CC2D2A: variants seen among roughly 807,000 people sequenced by gnomAD.
CC2D2A encodes coiled-coil and C2 domain containing 2A.
Under a neutral mutation model 212.9 loss-of-function variants are expected in CC2D2A, and 155 were observed. The ratio of observed to expected loss-of-function variants is 0.73; its 90% CI spans 0.64 to 0.83. CC2D2A has a LOEUF of 0.83. CC2D2A is among the 40% of genes least tolerant of loss of function. The pLI is 0.00. For missense variants in CC2D2A, 1,856 were observed against 1,956.2 expected (o/e 0.95, Z 0.97); for synonymous variants, 667 against 686.5 (o/e 0.97, Z 0.44).
At position 15,541,033 on chromosome 4, in the gene CC2D2A, G is replaced by A; in HGVS notation, c.2181+19G>A. The stretch of plus-strand genomic sequence containing the variant: ...ACTTCAGGTACACATTTTAATTATA[G>A]TTACTGGCCGGGCACTGTGGCTCAT... On this transcript the variant is annotated intron_variant, in intron 17 of 36. Transcript: ENST00000424120. 6.6e-7 allele frequency: 1 copy of A among 1,512,808 alleles called. No homozygotes were observed. The allele number at this position is 1,512,808 out of a possible 1,614,324, so 93.7% of individuals were successfully genotyped here.
intron 11 of CC2D2A, chr4:15,519,485 A>G (rs893816096): frequency 1.3e-5 from 6 of 447,864 alleles, no homozygotes; most frequent in Admixed American, 9.5e-5. Context: ...TTGCTTCCAC[A>G]TTTTTGGGTA....
chr4:15,527,109 A>G (rs1300218984), intron 11 of CC2D2A, among the ~76,000 whole-genome samples: 1 of 152,202 alleles, frequency 6.6e-6, no homozygotes, highest in Non-Finnish European at 1.5e-5. Context: ...AAAGAATTTC[A>G]AGGTCACCAG....
At chr4:15,598,892 A>C (rs1721447434) in intron 35 of CC2D2A, among the ~76,000 whole-genome samples, 1 of 151,998 alleles carries the variant, frequency 6.6e-6, no homozygotes, top group African/African-American at 2.4e-5. Context: ...AAGCGCAGTG[A>C]CTCACACTTG....
Position 15,516,019 on chromosome 4 carries a change from T to A in CC2D2A, c.1017+15T>A. 1 of 1,580,074 alleles carries A rather than the reference T, an allele frequency of 6.3e-7. No individual in the cohort carries two copies. Among genetic ancestry groups the A allele is most frequent in the South Asian group, 1.2e-5 (1 of 84,692 alleles). On this transcript the variant is annotated intron_variant, in intron 10 of 36. Coordinates refer to ENST00000424120, the MANE Select transcript of CC2D2A (RefSeq NM_001378615.1). ...TGCAGGACCCCGTAAGTGTGCACCC[T>A]CTGCTCTCAGGTGTAGCCTGGGCAC...
intron 31 of CC2D2A, 41 bp downstream of exon 31, chr4:15,586,287 C>T (rs775328156): frequency 2.4e-6 from 3 of 1,268,282 alleles, no homozygotes; most frequent in Non-Finnish European, 3.3e-6. Context: ...CTTGAGCTGA[C>T]TTAATGAAAT....
At position 15,586,155 on chromosome 4, in the gene CC2D2A, A is replaced by G; in HGVS notation, c.3976-2A>G. 1 of 1,607,510 alleles carries G rather than the reference A, an allele frequency of 6.2e-7. No homozygotes were observed. The highest frequency in any genetic ancestry group is 8.5e-7 in the Non-Finnish European group (1 of 1,174,940). ...TTTGTAAAGCTCATTTTGATTATACAGGAACTGGTGGCTCGATATGTGTCC... is the reference window on the plus strand; with the variant it reads ...TTTGTAAAGCTCATTTTGATTATACGGGAACTGGTGGCTCGATATGTGTCC... On this transcript the variant is annotated splice_acceptor_variant, in intron 30 of 36. Coordinates refer to ENST00000424120, the MANE Select transcript of CC2D2A (RefSeq NM_001378615.1). LOFTEE classifies it high-confidence loss of function.
intron 30 of CC2D2A, among the ~76,000 whole-genome samples, chr4:15,585,188 G>A (rs967665999): frequency 6.6e-6 from 1 of 152,158 alleles, no homozygotes; most frequent in Non-Finnish European, 1.5e-5. Flanking sequence ...AGAAGTATCT[G>A]CACTCACACG....
chr4:15,597,599 A>C, intron 35 of CC2D2A, 134 bp downstream of exon 35: 1 of 738,754 alleles, frequency 1.4e-6, no homozygotes, highest in Non-Finnish European at 2.3e-6. Flanking sequence ...TAGATTCCAA[A>C]TACAGATGTG....
At chr4:15,547,355 A>T (rs1718764641) in intron 17 of CC2D2A, among the ~76,000 whole-genome samples, 1 of 152,216 alleles carries the variant, frequency 6.6e-6, no homozygotes, top group Non-Finnish European at 1.5e-5. Flanking sequence ...ATATACAGTA[A>T]GTTATTGTTA....
Position 15,575,804 on chromosome 4 carries a change from A to T in CC2D2A, c.3771+1478A>T, listed in dbSNP as rs117713519. Among the ~76,000 whole-genome samples the T allele has an allele frequency of 7.0e-4, 106 of 152,372 alleles. 2 individuals carry two copies. The East Asian group carries it at 0.017, about 25-fold the overall frequency. On this transcript the variant is annotated intron_variant, in intron 29 of 36. Coordinates refer to ENST00000424120, the MANE Select transcript of CC2D2A (RefSeq NM_001378615.1). ...AATGAACGCCAATAAACATGTTTAC[A>T]CACAAAAATACTTCCAGACAAAAGA...
intron 1 of CC2D2A, among the ~76,000 whole-genome samples, chr4:15,471,435 A>AT (rs1008476919): frequency 2.0e-5 from 3 of 152,128 alleles, no homozygotes; most frequent in East Asian, 1.9e-4. Context: ...CTCCTCTTCT[A>AT]TCCCCCAAGC....
chr4:15,589,668 G>A lies in CC2D2A; in HGVS notation c.4303G>A (p.Gly1435Ser), dbSNP rs56265649. 1.0e-4 allele frequency: 162 copies of A among 1,560,784 alleles called. No individual in the cohort carries two copies. Among genetic ancestry groups the A allele is most frequent in the South Asian group, 5.5e-4 (44 of 79,914 alleles). ...CTTGAAAAATGTGGGCTGTTTAATA[G>A]GTCCTGACAATGTAAGTATTAACAT... Reference protein sequence around the residue: ...CPLKNVGCLIGPDNIWFNIQR... With the variant: ...CPLKNVGCLISPDNIWFNIQR... Residue 1435 changes from glycine to serine, a missense_variant, in exon 33 of 37, where the codon GGT becomes AGT. Gly to Ser is a moderately conservative substitution (Grantham distance 56). This residue lies in a region of CC2D2A where 285 missense variants were observed against 278.4 expected (regional missense o/e 1.02). Coordinates refer to ENST00000424120, the MANE Select transcript of CC2D2A (RefSeq NM_001378615.1).
chr4:15,536,337 T>C (rs940044292), intron 14 of CC2D2A, among the ~76,000 whole-genome samples: 1 of 152,082 alleles, frequency 6.6e-6, no homozygotes, highest in East Asian at 1.9e-4. Flanking sequence ...AGGGATAGCA[T>C]TAGGAGAAAT....
intron 8 of CC2D2A, among the ~76,000 whole-genome samples, chr4:15,512,857 C>T (rs761356518): frequency 1.3e-5 from 2 of 151,342 alleles, no homozygotes; most frequent in Non-Finnish European, 2.9e-5. Context: ...GAGGCTGAGG[C>T]AGGAGTATTA....
intron 11 of CC2D2A, among the ~76,000 whole-genome samples, chr4:15,525,711 G>A (rs1355554830): frequency 3.9e-5 from 6 of 152,152 alleles, no homozygotes; most frequent in African/African-American, 1.4e-4. Context: ...TTGTTACTGT[G>A]TTCATAATAG....
rs143947747 is a variant in CC2D2A at position 15,589,567 on chromosome 4, C to T, written c.4202C>T (p.Thr1401Ile). Residue 1401 changes from threonine (T) to isoleucine (I), a missense_variant, in exon 33 of 37, where the codon ACT becomes ATT. Physicochemically the swap from Thr to Ile is moderately conservative, Grantham distance 89. Transcript: ENST00000424120. ...CAGGGTCCAACTGCCTATGTGCTAACTTGGGAGCAAGGTCGTTATTTAATA... is the reference window on the plus strand; with the variant it reads ...CAGGGTCCAACTGCCTATGTGCTAATTTGGGAGCAAGGTCGTTATTTAATA... Reference protein sequence around the residue: ...IPEGPTAYVLTWEQGRYLIWN... With the variant: ...IPEGPTAYVLIWEQGRYLIWN... 1.2e-6 allele frequency: 2 copies of T among 1,612,448 alleles called. No homozygotes were observed. Among genetic ancestry groups the T allele is most frequent in the Non-Finnish European group, 1.7e-6 (2 of 1,179,086 alleles).
intron 3 of CC2D2A, chr4:15,479,220 C>A: frequency 6.5e-7 from 1 of 1,536,486 alleles, no homozygotes; most frequent in South Asian, 1.2e-5. Context: ...GTCTTTGAGG[C>A]AGAAGCCAAC....
chr4:15,574,080 T>A, intron 28 of CC2D2A, 70 bp from the exon 29 acceptor site: 1 of 1,314,458 alleles, frequency 7.6e-7, no homozygotes, highest in Middle Eastern at 2.7e-4. Flanking sequence ...CAATGAGGAG[T>A]TGACACTTGC....
At chr4:15,551,354 A>G (rs1718999409) in intron 18 of CC2D2A, among the ~76,000 whole-genome samples, 1 of 152,252 alleles carries the variant, frequency 6.6e-6, no homozygotes, top group Non-Finnish European at 1.5e-5. Context: ...TGAAATAATT[A>G]TAACAGGGAG....
Sources: allele counts gnomAD v4.1 joint callset (sites outside exome capture counted in the v4.1 genomes callset), GRCh38; gene constraint gnomAD v4.1.1; regional missense constraint gnomAD v4.1.1; transcripts MANE v1.5; gene names NCBI Gene and HGNC (gene_info 2026-07-23, HGNC 2026-07-21).